Variants in NEGR1 observed in about 807,000 individuals in gnomAD.
NEGR1 encodes the protein neuronal growth regulator 1.
In NEGR1, 10 loss-of-function variants were observed where a neutral mutation model predicts 40.9. The ratio of observed to expected loss-of-function variants is 0.24; its 90% CI spans 0.15 to 0.42. The LOEUF (loss-of-function observed/expected upper bound fraction) is 0.42. Among genes scored for constraint, NEGR1 ranks in the 10% least tolerant of loss-of-function variants. NEGR1 has a pLI of 1.00. For missense variants in NEGR1, 352 were observed against 438.9 expected (o/e 0.80, Z 1.77); for synonymous variants, 185 against 166.8 (o/e 1.11, Z -0.84).
chr1:71,980,591 G>T (rs1310221794), intron 1 of NEGR1, among the ~76,000 whole-genome samples: 1 of 152,104 alleles, frequency 6.6e-6, no homozygotes, highest in Non-Finnish European at 1.5e-5. Context: ...TGCTTTAAAA[G>T]TCCCTTTAAT....
chr1:71,434,950 G>T (rs1314384523), intron 6 of NEGR1, among the ~76,000 whole-genome samples: 1 of 152,116 alleles, frequency 6.6e-6, no homozygotes, highest in African/African-American at 2.4e-5. Context: ...AATTAGCCCG[G>T]CATAGTGGCG....
At chr1:71,435,164 C>T (rs1557525118) in intron 6 of NEGR1, among the ~76,000 whole-genome samples, 1 of 151,740 alleles carries the variant, frequency 6.6e-6, no homozygotes. Context: ...GGGGCAAAAA[C>T]GTTGTACTTT....
intron 1 of NEGR1, 134 bp downstream of exon 1, chr1:72,282,185 A>G: frequency 9.3e-7 from 1 of 1,074,746 alleles, no homozygotes; most frequent in East Asian, 2.6e-5. Flanking sequence ...TGCACCTGGA[A>G]TTCTTGGGAT....
chr1:71,837,742 T>C (rs1053247596), intron 2 of NEGR1, among the ~76,000 whole-genome samples: 2 of 152,122 alleles, frequency 1.3e-5, no homozygotes, highest in African/African-American at 4.8e-5. Context: ...TAGCACAACC[T>C]TAATTAACAT....
intron 3 of NEGR1, among the ~76,000 whole-genome samples, chr1:71,754,225 G>GCT (rs369637233): frequency 6.6e-6 from 1 of 152,110 alleles, no homozygotes; most frequent in African/African-American, 2.4e-5. Context: ...GGCTCCTCAT[G>GCT]CTCTCTGTGT....
intron 2 of NEGR1, among the ~76,000 whole-genome samples, chr1:71,927,704 G>T (rs1238329419): frequency 6.6e-6 from 1 of 151,098 alleles, no homozygotes; most frequent in Admixed American, 6.6e-5. Context: ...TCCTGGCCAG[G>T]CGTAGGGGCT....
intron 1 of NEGR1, among the ~76,000 whole-genome samples, chr1:71,989,728 C>T (rs1357172530): frequency 6.6e-6 from 1 of 152,080 alleles, no homozygotes; most frequent in Non-Finnish European, 1.5e-5. Context: ...ATATTTCTAA[C>T]CTCTTAAAAA....
At chr1:72,130,685 A>C (rs1463868462) in intron 1 of NEGR1, among the ~76,000 whole-genome samples, 1 of 152,162 alleles carries the variant, frequency 6.6e-6, no homozygotes, top group Non-Finnish European at 1.5e-5. Context: ...ATTACCTCTG[A>C]GACCTCATCT....
chr1:72,005,858 A>C (rs886692410), intron 1 of NEGR1, among the ~76,000 whole-genome samples: 1 of 152,188 alleles, frequency 6.6e-6, no homozygotes, highest in Non-Finnish European at 1.5e-5. Flanking sequence ...TTTTCATTCT[A>C]TTAATCTTTT....
chr1:71,481,276 G>T (rs1646852082), intron 6 of NEGR1, among the ~76,000 whole-genome samples: 1 of 151,184 alleles, frequency 6.6e-6, no homozygotes, highest in African/African-American at 2.4e-5. Context: ...TCACCTATTT[G>T]AAGGAACTGA....
chr1:72,252,447 T>G (rs1368664298), intron 1 of NEGR1, among the ~76,000 whole-genome samples: 1 of 152,110 alleles, frequency 6.6e-6, no homozygotes, highest in Non-Finnish European at 1.5e-5. Flanking sequence ...CTCCCAAAGC[T>G]CAAAAATATT....
chr1:72,208,025 G>T (rs565563575), intron 1 of NEGR1, among the ~76,000 whole-genome samples: 4 of 151,712 alleles, frequency 2.6e-5, no homozygotes, highest in East Asian at 3.9e-4. Flanking sequence ...CCACATGATT[G>T]TAAGAATAAT....
chr1:71,766,364 A>C (rs937443197), intron 3 of NEGR1, among the ~76,000 whole-genome samples: 4 of 152,220 alleles, frequency 2.6e-5, no homozygotes, highest in African/African-American at 4.8e-5. Flanking sequence ...CTTTATCTTG[A>C]GTTAGGCAAT....
At chr1:71,903,205 C>T (rs1661186536) in intron 2 of NEGR1, among the ~76,000 whole-genome samples, 1 of 151,940 alleles carries the variant, frequency 6.6e-6, no homozygotes, top group Non-Finnish European at 1.5e-5. Flanking sequence ...GTACCCTGTT[C>T]TGGCTTTGTT....
chr1:72,229,949 C>T (rs1308368575), intron 1 of NEGR1, among the ~76,000 whole-genome samples: 1 of 152,102 alleles, frequency 6.6e-6, no homozygotes, highest in Non-Finnish European at 1.5e-5. Context: ...TCCACATGAT[C>T]TTTACACAGT....
At chr1:71,716,116 C>A (rs897163976) in intron 3 of NEGR1, among the ~76,000 whole-genome samples, 1 of 152,114 alleles carries the variant, frequency 6.6e-6, no homozygotes, top group African/African-American at 2.4e-5. Flanking sequence ...CTTCACAGGG[C>A]AGCAGGAGAA....
At chr1:71,722,885 C>G (rs1403870880) in intron 3 of NEGR1, among the ~76,000 whole-genome samples, 2 of 151,970 alleles carry the variant, frequency 1.3e-5, no homozygotes, top group Non-Finnish European at 2.9e-5. Context: ...CCTTGTGTAC[C>G]TTTGCAATAT....
At chr1:72,198,829 AT>A (rs1047132476) in intron 1 of NEGR1, among the ~76,000 whole-genome samples, 3 of 152,002 alleles carry the variant, frequency 2.0e-5, no homozygotes, top group Non-Finnish European at 4.4e-5. Flanking sequence ...TTATCTTAAA[AT>A]AAGTTTTCCT....
chr1:71,906,090 A>T (rs1010124171), intron 2 of NEGR1, among the ~76,000 whole-genome samples: 3 of 150,430 alleles, frequency 2.0e-5, no homozygotes, highest in Non-Finnish European at 4.4e-5. Flanking sequence ...GATTCAGCTG[A>T]TAAAGCCCCC....
Sources: gnomAD v4.1 joint callset for allele counts (sites outside exome capture counted in the v4.1 genomes callset) on GRCh38, gnomAD v4.1.1 for gene constraint, MANE v1.5 for transcripts, NCBI Gene and HGNC (gene_info 2026-07-23, HGNC 2026-07-21) for gene names.